The following G3BP1 variants were observed in gnomAD, a reference collection of about 807,000 sequenced individuals.
The protein encoded by G3BP1 is ras GTPase-activating protein-binding protein 1.
In G3BP1, 35 loss-of-function variants were observed where a neutral mutation model predicts 58.6. The observed-to-expected ratio is 0.60, with a 90% CI of 0.46 to 0.79. G3BP1 has a LOEUF of 0.79. Ranked by LOEUF, G3BP1 falls within the 30% of genes least tolerant of loss-of-function variation. G3BP1 has a pLI of 0.00. For missense variants in G3BP1, 523 were observed against 580.8 expected, an observed-to-expected ratio of 0.90 and a Z score of 1.02; for synonymous variants, 191 against 195.4, an observed-to-expected ratio of 0.98 and a Z score of 0.19.
chr5:151,773,918 C>T (rs1762320599), intron 1 of G3BP1, among the ~76,000 whole-genome samples: 2 of 152,132 alleles, frequency 1.3e-5, no homozygotes, highest in Non-Finnish European at 2.9e-5. Context: ...AATTACCTTA[C>T]ACATTATTGA....
intron 11 of G3BP1, among the ~76,000 whole-genome samples, chr5:151,803,289 A>G (rs1024149704): frequency 2.0e-5 from 3 of 151,962 alleles, no homozygotes; most frequent in African/African-American, 7.3e-5. Flanking sequence ...GAAGGTGGCA[A>G]TTTTTTTTAT....
Position 151,806,426 on chromosome 5 carries a change from C to G in G3BP1, c.*2335C>G, listed in dbSNP as rs1033401646. On this transcript the variant is annotated 3_prime_UTR_variant, in exon 12 of 12. Coordinates refer to ENST00000356245, the MANE Select transcript of G3BP1 (RefSeq NM_005754.3). ...GCTTGTAATTTGTTGCAGGGAATTA[C>G]TGCACAATCTCAGAAAATAGAAAGC... The G allele has an allele frequency of 6.6e-6, 1 of 152,152 alleles. No homozygotes were observed. Among genetic ancestry groups the G allele is most frequent in the Admixed American group, 6.6e-5 (1 of 15,264 alleles). 9.4% of individuals were successfully genotyped at this position (152,152 alleles called of 1,614,324 possible).
At chr5:151,799,071 A>T (rs1057063540) in intron 7 of G3BP1, 141 bp from the exon 8 acceptor site, 3 of 590,626 alleles carry the variant, frequency 5.1e-6, no homozygotes, top group Non-Finnish European at 9.0e-6. Flanking sequence ...GAAAGAGAAG[A>T]ATCTTAATAT....
At chr5:151,781,732 T>G (rs1287101627) in intron 1 of G3BP1, among the ~76,000 whole-genome samples, 1 of 152,236 alleles carries the variant, frequency 6.6e-6, no homozygotes. Context: ...ATACTGAAAA[T>G]GTATTTTGCA....
chr5:151,784,176 G>A (rs1762519217), intron 1 of G3BP1, among the ~76,000 whole-genome samples: 1 of 152,152 alleles, frequency 6.6e-6, no homozygotes, highest in South Asian at 2.1e-4. Context: ...GCTCACTGCA[G>A]CCTCAAACTT....
chr5:151,795,999 G>A (rs1217968583), intron 6 of G3BP1, among the ~76,000 whole-genome samples: 2 of 152,148 alleles, frequency 1.3e-5, no homozygotes, highest in Admixed American at 1.3e-4. Context: ...ATTTCATTAC[G>A]TTAGTAAGTG....
intron 11 of G3BP1, among the ~76,000 whole-genome samples, chr5:151,801,329 C>A (rs892006): frequency 0.2 from 30,707 of 152,086 alleles, 3,748 homozygotes; most frequent in South Asian, 0.32. Context: ...AGTCAACCTA[C>A]TTGGAACCAT....
rs1327167851 is a variant in G3BP1 at position 151,795,568 on chromosome 5, G to C, written c.532G>C (p.Val178Leu). The change falls in exon 6 of 12, where the codon GTT (valine) becomes CTT (leucine). Residue 178 changes from valine to leucine, a missense_variant. Coordinates refer to ENST00000356245, the MANE Select transcript of G3BP1 (RefSeq NM_005754.3). Reference sequence around the variant, plus strand: ...TTCTGGAACTTTCTATGATCAGGCAGTTGTCAGGTAAGAAGATTTTGTTCA... The same window carrying C: ...TTCTGGAACTTTCTATGATCAGGCACTTGTCAGGTAAGAAGATTTTGTTCA... ...DDSGTFYDQA[V>L]VSNDMEEHLE... is the part of the protein sequence containing the mutation. 2.5e-6 allele frequency: 4 copies of C among 1,570,734 alleles called. No homozygotes were observed. The highest frequency in any genetic ancestry group is 2.2e-5 in the East Asian group (1 of 44,624).
Position 151,779,203 on chromosome 5 carries a change from TTTC to T in G3BP1, c.-50+7174_-50+7176del, listed in dbSNP as rs1250650449. On this transcript the variant is annotated intron_variant, in intron 1 of 11. Transcript: ENST00000356245. ...GAGGCAGTCTACGTGATCAATTCGC[TTTC>T]TTCTTCATTTGCTTTTGGTGTGTCT... 2.6e-5 allele frequency among the ~76,000 whole-genome samples: 4 copies of T among 152,336 alleles called. No individual in the cohort carries two copies. The South Asian group carries it at 6.2e-4, about 24-fold the overall frequency.
intron 6 of G3BP1, among the ~76,000 whole-genome samples, 178 bp downstream of exon 6, chr5:151,795,753 T>C (rs1453024717): frequency 6.6e-6 from 1 of 152,248 alleles, no homozygotes; most frequent in African/African-American, 2.4e-5. Flanking sequence ...TGTTTGTTAA[T>C]AGTAAATTGT....
At chr5:151,783,378 T>C (rs1762504090) in intron 1 of G3BP1, among the ~76,000 whole-genome samples, 1 of 150,704 alleles carries the variant, frequency 6.6e-6, no homozygotes, top group Non-Finnish European at 1.5e-5. Context: ...ATTTTCTTTC[T>C]TTTTTTTTGC....
intron 6 of G3BP1, among the ~76,000 whole-genome samples, chr5:151,796,349 A>G (rs1377979698): frequency 6.6e-6 from 1 of 152,062 alleles, no homozygotes; most frequent in Non-Finnish European, 1.5e-5. Context: ...GCTGACTGCA[A>G]CCTCCGCTTC....
At chr5:151,793,233 C>G (rs549451089) in intron 4 of G3BP1, among the ~76,000 whole-genome samples, 2 of 152,216 alleles carry the variant, frequency 1.3e-5, no homozygotes, top group Admixed American at 1.3e-4. Context: ...CTCAGCCTCC[C>G]TAGCAGCTGG....
chr5:151,778,779 A>G (rs1452446263), intron 1 of G3BP1, among the ~76,000 whole-genome samples: 3 of 149,970 alleles, frequency 2.0e-5, no homozygotes, highest in South Asian at 2.2e-4. Context: ...GATATGGGTC[A>G]GGCGCAGTGG....
chr5:151,799,822 A>G (rs1762819696), intron 8 of G3BP1, 67 bp from the exon 9 acceptor site: 1 of 897,698 alleles, frequency 1.1e-6, no homozygotes, highest in East Asian at 2.4e-5. Context: ...GTTAGCTAAG[A>G]AACTTCATTA....
chr5:151,801,316 T>C lies in G3BP1; in HGVS notation c.1194+447T>C, dbSNP rs1762844831. ...TAAATTGGATTTGGAAGATAAATTATATAGTCAACCTACTTGGAACCATCC... is the reference window on the plus strand; with the variant it reads ...TAAATTGGATTTGGAAGATAAATTACATAGTCAACCTACTTGGAACCATCC... On this transcript the variant is annotated intron_variant, in intron 11 of 11. Coordinates refer to ENST00000356245, the MANE Select transcript of G3BP1 (RefSeq NM_005754.3). Among the ~76,000 whole-genome samples the C allele has an allele frequency of 2.0e-5, 3 of 152,192 alleles. No homozygotes were observed. The South Asian group carries it at 6.2e-4, about 32-fold the overall frequency.
intron 1 of G3BP1, among the ~76,000 whole-genome samples, chr5:151,784,934 C>G (rs1274824378): frequency 4.6e-5 from 7 of 152,076 alleles, no homozygotes; most frequent in East Asian, 1.9e-4. Flanking sequence ...AACTTCAGTA[C>G]AAGAGTGTTG....
rs1762556834 is a variant in G3BP1 at position 151,786,475 on chromosome 5, G to A, written c.-49-97G>A. Reference sequence around the variant, plus strand: ...TATGGGCTCTGTTTGTTTTTATGATGTTTGTTCATGTTTTAAACGACTTGC... The same window carrying A: ...TATGGGCTCTGTTTGTTTTTATGATATTTGTTCATGTTTTAAACGACTTGC... On this transcript the variant is annotated intron_variant, in intron 1 of 11. Transcript: ENST00000356245. The A allele has an allele frequency of 1.2e-5, 8 of 657,124 alleles. No individual in the cohort carries two copies. In the South Asian group the frequency reaches 1.4e-4, roughly 12 times the overall value. 40.7% of individuals were successfully genotyped at this position (657,124 alleles called of 1,614,324 possible). A position where few individuals can be genotyped will look rare whatever the true frequency, so the allele number is the denominator to read the frequency against.
chr5:151,794,282 A>T (rs1421482547), intron 5 of G3BP1, 33 bp downstream of exon 5: 1 of 1,325,586 alleles, frequency 7.5e-7, no homozygotes, highest in Admixed American at 1.7e-5. Context: ...TTACTTGTCT[A>T]AATTTTTTTT....
Sources: gnomAD v4.1 joint callset for allele counts (sites outside exome capture counted in the v4.1 genomes callset) on GRCh38, gnomAD v4.1.1 for gene constraint, MANE v1.5 for transcripts, NCBI Gene and HGNC (gene_info 2026-07-23, HGNC 2026-07-21) for gene names.